Variants in IBTK observed in about 807,000 individuals in gnomAD.
The protein encoded by IBTK is inhibitor of Bruton tyrosine kinase, also known as BTK-binding protein.
Under a neutral mutation model 154.9 loss-of-function variants are expected in IBTK, and 83 were observed. That is an observed-to-expected ratio of 0.54 (90% CI 0.45 to 0.64). The LOEUF is 0.64. Ranked by LOEUF, IBTK falls within the 30% of genes least tolerant of loss-of-function variation. IBTK has a pLI of 0.00. For missense variants in IBTK, 1,332 were observed against 1,584.6 expected, an observed-to-expected ratio of 0.84 and a Z score of 2.71; for synonymous variants, 515 against 536.1, an observed-to-expected ratio of 0.96 and a Z score of 0.54.
chr6:82,237,328 G>T (rs980822770), intron 2 of IBTK, among the ~76,000 whole-genome samples: 10 of 151,760 alleles, frequency 6.6e-5, no homozygotes, highest in African/African-American at 2.2e-4. Flanking sequence ...TACTAACCTA[G>T]CTTTCCCTAT....
At chr6:82,177,072 T>C (rs1289086173) in intron 26 of IBTK, among the ~76,000 whole-genome samples, 1 of 152,236 alleles carries the variant, frequency 6.6e-6, no homozygotes, top group East Asian at 1.9e-4. Context: ...GCCCTTCTTC[T>C]GCAATGAAGT....
At chr6:82,189,298 A>G (rs1562076252) in intron 25 of IBTK, among the ~76,000 whole-genome samples, 1 of 151,050 alleles carries the variant, frequency 6.6e-6, no homozygotes, top group Non-Finnish European at 1.5e-5. Flanking sequence ...ACTTTCAGGG[A>G]AAAAAAAAGT....
At position 82,220,571 on chromosome 6, in the gene IBTK, T is replaced by G. The variant is rs1360750296; in HGVS notation, c.1248+19A>C. On this transcript the variant is annotated intron_variant, in intron 9 of 28. Transcript: ENST00000306270. ...TCAACTGAGAGTAAGATTACACTTT[T>G]ACATAAACATGTACTTACCCTTCCA... 6.3e-7 allele frequency: 1 copy of G among 1,586,078 alleles called. No homozygotes were observed. Among genetic ancestry groups the G allele is most frequent in the East Asian group, 2.2e-5 (1 of 44,464 alleles).
At chr6:82,226,811 G>A (rs1582243568) in intron 5 of IBTK, among the ~76,000 whole-genome samples, 2 of 152,128 alleles carry the variant, frequency 1.3e-5, no homozygotes, top group East Asian at 3.9e-4. Flanking sequence ...TCTCCATGTT[G>A]GCCAGGCCGG....
At chr6:82,173,674 A>ATATATAT (rs1768010946) in intron 26 of IBTK, 5 of 197,238 alleles carry the variant, frequency 2.5e-5, no homozygotes, top group Non-Finnish European at 4.9e-5. Flanking sequence ...TCTAATAATA[A>ATATATAT]ATATATATAT....
intron 1 of IBTK, among the ~76,000 whole-genome samples, chr6:82,246,629 GT>G (rs1771159469): frequency 6.6e-6 from 1 of 151,952 alleles, no homozygotes; most frequent in East Asian, 1.9e-4. Context: ...GTAAACTCTG[GT>G]TTGACTAAAG....
chr6:82,199,297 C>A (rs1426097854), intron 21 of IBTK, among the ~76,000 whole-genome samples: 1 of 151,702 alleles, frequency 6.6e-6, no homozygotes, highest in Admixed American at 6.6e-5. Context: ...CAGTAAGCAA[C>A]AAAGAGTCTG....
intron 10 of IBTK, 121 bp from the exon 11 acceptor site, chr6:82,216,371 A>C: frequency 6.1e-6 from 4 of 660,512 alleles, no homozygotes; most frequent in Non-Finnish European, 1.0e-5. Flanking sequence ...ACATATATTC[A>C]GTGTTTTTGA....
In IBTK at chr6:82,190,379, G is replaced by A. The variant is rs926583828; in HGVS notation, c.3575+694C>T. Among the ~76,000 whole-genome samples, 7 of 152,242 alleles carry A rather than the reference G, an allele frequency of 4.6e-5. No individual in the cohort carries two copies. In the South Asian group the frequency reaches 1.0e-3, roughly 23 times the overall value. On this transcript the variant is annotated intron_variant, in intron 25 of 28. Coordinates refer to ENST00000306270, the MANE Select transcript of IBTK (RefSeq NM_015525.4). The stretch of plus-strand genomic sequence containing the variant: ...GAAAGAGAGTTCTACTGATTTCTTC[G>A]TAAGGCTTCACATTCTCCATGTAGT...
rs1770266422 is a variant in IBTK at position 82,225,629 on chromosome 6, C to T, written c.673G>A (p.Gly225Arg). The T allele has an allele frequency of 1.2e-6, 2 of 1,609,690 alleles. No individual in the cohort carries two copies. Among genetic ancestry groups the T allele is most frequent in the East Asian group, 4.5e-5 (2 of 44,662 alleles). Residue 225 changes from glycine (G) to arginine (R), a missense_variant, in exon 6 of 29, where the codon GGA becomes AGA. Gly to Arg is a moderately radical substitution (Grantham distance 125). Coordinates refer to ENST00000306270, the MANE Select transcript of IBTK (RefSeq NM_015525.4). Reference sequence around the variant, plus strand: ...TGGGAACAATTATGACCATTCAGTCCTTCCACAAGCCGAGGGACCTACAAA... The same window carrying T: ...TGGGAACAATTATGACCATTCAGTCTTTCCACAAGCCGAGGGACCTACAAA... ...QTCLVPRLVE[G>R]LNGHNCSQVA...
intron 8 of IBTK, among the ~76,000 whole-genome samples, chr6:82,222,577 T>C (rs1770138592): frequency 6.6e-6 from 1 of 152,200 alleles, no homozygotes; most frequent in Admixed American, 6.5e-5. Flanking sequence ...AGCAAAAAAC[T>C]GTCAAACTAA....
intron 8 of IBTK, among the ~76,000 whole-genome samples, chr6:82,220,940 A>G (rs1437419583): frequency 2.3e-5 from 3 of 130,062 alleles, no homozygotes; most frequent in African/African-American, 3.6e-5. Flanking sequence ...CTTTACCTAC[A>G]CACACACACA....
intron 21 of IBTK, among the ~76,000 whole-genome samples, chr6:82,197,078 C>T (rs1265985726): frequency 6.6e-6 from 1 of 152,156 alleles, no homozygotes; most frequent in African/African-American, 2.4e-5. Context: ...AATGCCTGGC[C>T]TCATGCCACA....
intron 21 of IBTK, among the ~76,000 whole-genome samples, chr6:82,196,943 C>T (rs566203537): frequency 2.8e-4 from 42 of 152,288 alleles, no homozygotes; most frequent in South Asian, 1.2e-3. Context: ...CAGAGGCTCC[C>T]GCAGAAGACA....
At chr6:82,206,476 G>A (rs1582216562) in intron 16 of IBTK, among the ~76,000 whole-genome samples, 2 of 152,130 alleles carry the variant, frequency 1.3e-5, no homozygotes, top group East Asian at 1.9e-4. Context: ...GGCTTAATTG[G>A]TTAATCTGAC....
rs111239080 is a variant in IBTK at position 82,213,154 on chromosome 6, A to C, written c.2205-361T>G. 5.4e-3 allele frequency among the ~76,000 whole-genome samples: 826 copies of C among 152,038 alleles called. 9 individuals are homozygous for C. The highest frequency in any genetic ancestry group is 0.019 in the African/African-American group (791 of 41,464). On this transcript the variant is annotated intron_variant, in intron 12 of 28. Transcript: ENST00000306270. ...ATGAATCTCCTGCCTCAGCCAACCC[A>C]GTAACTGGGACTACAGGCATTCACC...
Position 82,172,473 on chromosome 6 carries a change from T to TAC in IBTK, c.3835_3836dup (p.Ala1280Ter). On this transcript the variant is annotated frameshift_variant, in exon 28 of 29. Coordinates refer to ENST00000306270, the MANE Select transcript of IBTK (RefSeq NM_015525.4). LOFTEE classifies it high-confidence loss of function. ...CAATAGATGCAAAAGTGACTGGGGC[T>TAC]ACCATGGATGGAGCAGTCACTGAAG... is the stretch of plus-strand genomic sequence containing the variant. 6.2e-7 allele frequency: 1 copy of TAC among 1,613,672 alleles called. No homozygotes were observed. Among genetic ancestry groups the TAC allele is most frequent in the East Asian group, 2.2e-5 (1 of 44,858 alleles).
intron 23 of IBTK, among the ~76,000 whole-genome samples, chr6:82,192,544 C>T (rs959215624): frequency 5.3e-5 from 8 of 149,834 alleles, no homozygotes; most frequent in Admixed American, 1.3e-4. Context: ...GTCAGGAGTT[C>T]GAGACCAGCC....
At chr6:82,182,103 A>G in intron 25 of IBTK, 75 bp from the exon 26 acceptor site, 1 of 1,396,704 alleles carries the variant, frequency 7.2e-7, no homozygotes, top group South Asian at 1.3e-5. Context: ...TAAGAGAACA[A>G]TAAGAACGTA....
Sources: allele counts gnomAD v4.1 joint callset (sites outside exome capture counted in the v4.1 genomes callset), GRCh38; gene constraint gnomAD v4.1.1; transcripts MANE v1.5; gene names NCBI Gene and HGNC (gene_info 2026-07-23, HGNC 2026-07-21).